Variants in FAM210A observed in about 807,000 individuals in gnomAD.
The protein encoded by FAM210A is family with sequence similarity 210 member A.
A neutral mutation model predicts 25.3 loss-of-function variants in FAM210A; 13 were observed. The observed-to-expected ratio is 0.51, with a 90% confidence interval of 0.33 to 0.82. The LOEUF is 0.82. Ranked by LOEUF, FAM210A falls within the 40% of genes least tolerant of loss-of-function variation. The probability of loss-of-function intolerance (pLI) is 0.02; values close to 1 mark genes in which losing one functional copy is unlikely to be tolerated. For synonymous variants in FAM210A, 125 were observed against 118.7 expected (o/e 1.05, Z -0.35); for missense variants, 319 against 323.2 (o/e 0.99, Z 0.10).
In FAM210A at chr18:13,724,813, G is replaced by A. The variant is rs1224266811; in HGVS notation, c.-29+1516C>T. ...TTTTTTGAGACAGTCTCGCTCTGTC[G>A]CCCAGGCTAGAGTGCAACGGCGCAA... On this transcript the variant is annotated intron_variant, in intron 1 of 3. Transcript: ENST00000651643. Among the ~76,000 whole-genome samples, 5 of 152,042 alleles carry A rather than the reference G, an allele frequency of 3.3e-5. No individual in the cohort carries two copies. The South Asian group carries it at 8.3e-4, about 25-fold the overall frequency.
chr18:13,724,852 C>G (rs2043922791), intron 1 of FAM210A, among the ~76,000 whole-genome samples: 1 of 152,190 alleles, frequency 6.6e-6, no homozygotes, highest in African/African-American at 2.4e-5. Context: ...CGGCTCACTG[C>G]AACCTCCGCC....
chr18:13,689,413 A>G (rs2043624092), intron 1 of FAM210A, among the ~76,000 whole-genome samples: 1 of 152,230 alleles, frequency 6.6e-6, no homozygotes, highest in South Asian at 2.1e-4. Flanking sequence ...TGGGGCAGCA[A>G]AAGCCTGACA....
chr18:13,720,025 C>A (rs747763923), intron 1 of FAM210A, among the ~76,000 whole-genome samples: 2 of 152,192 alleles, frequency 1.3e-5, no homozygotes, highest in Non-Finnish European at 2.9e-5. Flanking sequence ...GTGCTCTTAA[C>A]TGCTGAAATA....
chr18:13,667,903 A>G (rs1488004658), intron 3 of FAM210A, among the ~76,000 whole-genome samples: 1 of 152,160 alleles, frequency 6.6e-6, no homozygotes, highest in Non-Finnish European at 1.5e-5. Flanking sequence ...GAAAAAGAAA[A>G]GAAAAATACT....
At chr18:13,694,609 A>C (rs1410369509) in intron 1 of FAM210A, among the ~76,000 whole-genome samples, 1 of 152,246 alleles carries the variant, frequency 6.6e-6, no homozygotes. Flanking sequence ...AAAAACTAGA[A>C]ATGGGGAAAG....
In FAM210A at chr18:13,666,694, T is replaced by G; in HGVS notation, c.605A>C (p.Tyr202Ser). The G allele has an allele frequency of 6.2e-7, 1 of 1,613,902 alleles. No homozygotes were observed. The highest frequency in any genetic ancestry group is 8.5e-7 in the Non-Finnish European group (1 of 1,179,848). Reference protein sequence around the residue: ...ALFKIATPARYTVTLGGTSVT... With the variant: ...ALFKIATPARSTVTLGGTSVT... The stretch of plus-strand genomic sequence containing the variant: ...AGATGTTCCTCCCAAAGTCACGGTA[T>G]ACCGAGCAGGTGTTGCAATCTTAAG... Residue 202 changes from tyrosine (Y) to serine (S), a missense_variant, in exon 4 of 4, where the codon TAT becomes TCT. Physicochemically the swap from Tyr to Ser is moderately radical, Grantham distance 144. Coordinates refer to ENST00000651643, the MANE Select transcript of FAM210A (RefSeq NM_152352.4).
intron 2 of FAM210A, among the ~76,000 whole-genome samples, chr18:13,680,828 G>A (rs1392472777): frequency 1.3e-5 from 2 of 152,194 alleles, no homozygotes; most frequent in Non-Finnish European, 2.9e-5. Flanking sequence ...GAAATCACTG[G>A]TCCTCCTAAG....
At chr18:13,716,688 G>A (rs1453161537) in intron 1 of FAM210A, among the ~76,000 whole-genome samples, 1 of 152,040 alleles carries the variant, frequency 6.6e-6, no homozygotes. Flanking sequence ...TCATGATAGG[G>A]AGTTCTCACG....
intron 2 of FAM210A, among the ~76,000 whole-genome samples, chr18:13,679,126 T>C (rs979275218): frequency 3.3e-5 from 5 of 152,254 alleles, no homozygotes; most frequent in African/African-American, 1.2e-4. Flanking sequence ...ATTCTAAATA[T>C]AGAATGACAT....
intron 1 of FAM210A, among the ~76,000 whole-genome samples, chr18:13,704,726 T>C (rs2043765134): frequency 6.6e-6 from 1 of 152,184 alleles, no homozygotes; most frequent in South Asian, 2.1e-4. Flanking sequence ...CAAGTTATAT[T>C]TTAGTGAATG....
In FAM210A at chr18:13,681,552, A is replaced by C; in HGVS notation, c.473+53T>G. ...AAAGCTATCATTAGTACAATTAAAA[A>C]GATTAATATTCTGGTAAGACAGGGA... is the stretch of plus-strand genomic sequence containing the variant. On this transcript the variant is annotated intron_variant, in intron 2 of 3. Coordinates refer to ENST00000651643, the MANE Select transcript of FAM210A (RefSeq NM_152352.4). 16 of 1,375,320 alleles carry C rather than the reference A, an allele frequency of 1.2e-5. No individual in the cohort carries two copies. In the South Asian group the frequency reaches 2.3e-4, roughly 20 times the overall value. 85.2% of individuals were successfully genotyped at this position (1,375,320 alleles called of 1,614,324 possible).
At chr18:13,675,692 A>G (rs1273667252) in intron 2 of FAM210A, among the ~76,000 whole-genome samples, 2 of 67,392 alleles carry the variant, frequency 3.0e-5, no homozygotes, top group African/African-American at 1.2e-4. Context: ...GATTATTAAC[A>G]TTCCTGAGCC....
intron 1 of FAM210A, among the ~76,000 whole-genome samples, chr18:13,690,860 A>G (rs2043637451): frequency 6.6e-6 from 1 of 152,232 alleles, no homozygotes; most frequent in Non-Finnish European, 1.5e-5. Flanking sequence ...CTCCAAGGGA[A>G]CACAGCTCCT....
intron 3 of FAM210A, among the ~76,000 whole-genome samples, chr18:13,671,190 G>GC (rs796269311): frequency 2.2e-4 from 33 of 151,412 alleles, no homozygotes; most frequent in African/African-American, 7.5e-4. Context: ...GGCTTTGGAG[G>GC]CCCCCCCCTT....
In FAM210A at chr18:13,702,327, C is replaced by T. The variant is rs115312330; in HGVS notation, c.-28-20222G>A. The stretch of plus-strand genomic sequence containing the variant: ...CTTAAGCTGCAGCCAATTTGGTATG[C>T]TTGCTATGTCTTCCTGTATCCTTCT... On this transcript the variant is annotated intron_variant, in intron 1 of 3. Transcript: ENST00000651643. Among the ~76,000 whole-genome samples, 1,224 of 152,342 alleles carry T rather than the reference C, an allele frequency of 8.0e-3. 21 individuals are homozygous for T. The highest frequency in any genetic ancestry group is 0.028 in the African/African-American group (1,181 of 41,586).
At chr18:13,676,766 T>C (rs1175112415) in intron 2 of FAM210A, among the ~76,000 whole-genome samples, 6 of 152,334 alleles carry the variant, frequency 3.9e-5, no homozygotes, top group Middle Eastern at 3.4e-3. Context: ...GAGGGCAGCA[T>C]GCAGGCTGGC....
chr18:13,686,393 G>A (rs1308062515), intron 1 of FAM210A, among the ~76,000 whole-genome samples: 1 of 152,114 alleles, frequency 6.6e-6, no homozygotes, highest in African/African-American at 2.4e-5. Flanking sequence ...ACAATCTATA[G>A]CTTAACGTAT....
intron 1 of FAM210A, among the ~76,000 whole-genome samples, chr18:13,725,444 A>G (rs1007306430): frequency 2.0e-5 from 3 of 152,236 alleles, no homozygotes; most frequent in Non-Finnish European, 4.4e-5. Context: ...AACGCTGCAA[A>G]TGCTGCCTTC....
Position 13,666,194 on chromosome 18 carries a change from T to G in FAM210A, c.*286A>C. ...CAGCTGCAACAAAACAGAAATCAAG[T>G]GTGGTTCTGAAGACCTTGAAAAAGA... On this transcript the variant is annotated 3_prime_UTR_variant, in exon 4 of 4. Coordinates refer to ENST00000651643, the MANE Select transcript of FAM210A (RefSeq NM_152352.4). 1 of 329,044 alleles carries G rather than the reference T, an allele frequency of 3.0e-6. No homozygotes were observed. Among genetic ancestry groups the G allele is most frequent in the Non-Finnish European group, 5.6e-6 (1 of 178,100 alleles). The allele number at this position is 329,044 out of a possible 1,614,324, so 20.4% of individuals were successfully genotyped here.
Sources: gnomAD v4.1 joint callset for allele counts (sites outside exome capture counted in the v4.1 genomes callset) on GRCh38, gnomAD v4.1.1 for gene constraint, MANE v1.5 for transcripts, NCBI Gene and HGNC (gene_info 2026-07-23, HGNC 2026-07-21) for gene names.